MAD1L1: variants seen among roughly 807,000 people sequenced by gnomAD.
MAD1L1 encodes mitotic arrest deficient 1 like 1.
In MAD1L1, 95 loss-of-function variants were observed where a neutral mutation model predicts 96.9. The ratio of observed to expected loss-of-function variants is 0.98; its 90% CI spans 0.83 to 1.16. MAD1L1 has a LOEUF of 1.16. Among genes scored for constraint, MAD1L1 ranks in the 50% most tolerant of loss-of-function variants. The pLI is 0.00. For missense variants in MAD1L1, 1,007 were observed against 954.4 expected, an observed-to-expected ratio of 1.06 and a Z score of -0.73; for synonymous variants, 473 against 396.6, an observed-to-expected ratio of 1.19 and a Z score of -2.29.
chr7:1,981,296 C>T (rs1339453296), intron 14 of MAD1L1, among the ~76,000 whole-genome samples: 2 of 152,314 alleles, frequency 1.3e-5, no homozygotes, highest in South Asian at 2.1e-4. Context: ...CGCCCCTACA[C>T]ACCTAGGGTG....
At chr7:1,881,962 A>T (rs1785707121) in intron 18 of MAD1L1, among the ~76,000 whole-genome samples, 1 of 152,228 alleles carries the variant, frequency 6.6e-6, no homozygotes, top group African/African-American at 2.4e-5. Flanking sequence ...GATCTGAGCC[A>T]CAGGCTTGCC....
chr7:2,002,878 G>T (rs1250297550), intron 13 of MAD1L1, among the ~76,000 whole-genome samples: 1 of 152,180 alleles, frequency 6.6e-6, no homozygotes, highest in Non-Finnish European at 1.5e-5. Flanking sequence ...CTGGGCCTCT[G>T]CCCCTGCGGT....
At chr7:1,957,018 C>A (rs1328677002) in intron 16 of MAD1L1, among the ~76,000 whole-genome samples, 1 of 152,230 alleles carries the variant, frequency 6.6e-6, no homozygotes, top group Non-Finnish European at 1.5e-5. Flanking sequence ...TGACGCAGAG[C>A]CTCTGGTGGG....
At chr7:2,056,360 C>A (rs1784389179) in intron 12 of MAD1L1, among the ~76,000 whole-genome samples, 1 of 152,144 alleles carries the variant, frequency 6.6e-6, no homozygotes, top group Non-Finnish European at 1.5e-5. Flanking sequence ...CAGCATGGGG[C>A]TCGCGCAGGC....
intron 10 of MAD1L1, among the ~76,000 whole-genome samples, chr7:2,180,351 G>T (rs1791144961): frequency 6.6e-6 from 1 of 152,244 alleles, no homozygotes; most frequent in Non-Finnish European, 1.5e-5. Context: ...GGACTCACCA[G>T]TTCTAGGTAT....
intron 18 of MAD1L1, among the ~76,000 whole-genome samples, chr7:1,875,593 GGA>G (rs1164715803): frequency 6.6e-6 from 1 of 152,212 alleles, no homozygotes; most frequent in Non-Finnish European, 1.5e-5. Flanking sequence ...GGAGGGGCAG[GGA>G]GAGGAAAGGC....
At chr7:1,853,063 C>T (rs752119195) in intron 18 of MAD1L1, among the ~76,000 whole-genome samples, 9 of 152,198 alleles carry the variant, frequency 5.9e-5, no homozygotes, top group Non-Finnish European at 1.3e-4. Flanking sequence ...GAGCTGATAA[C>T]GACATGCACC....
chr7:2,139,976 T>C, intron 11 of MAD1L1, among the ~76,000 whole-genome samples: 1 of 151,430 alleles, frequency 6.6e-6, no homozygotes, highest in Admixed American at 6.6e-5. Context: ...TTTTATGGTC[T>C]ACTATCTGGA....
intron 18 of MAD1L1, among the ~76,000 whole-genome samples, chr7:1,888,888 A>G (rs1786358781): frequency 1.3e-5 from 2 of 152,174 alleles, no homozygotes; most frequent in African/African-American, 4.8e-5. Context: ...AGGGCCTAGG[A>G]CACGAGAGGT....
At chr7:1,933,884 C>G (rs955282358) in intron 17 of MAD1L1, among the ~76,000 whole-genome samples, 1 of 152,190 alleles carries the variant, frequency 6.6e-6, no homozygotes, top group African/African-American at 2.4e-5. Flanking sequence ...CAGCCAGTTC[C>G]TGGGCTGCGT....
At chr7:2,127,420 T>C (rs1788283583) in intron 11 of MAD1L1, among the ~76,000 whole-genome samples, 1 of 152,146 alleles carries the variant, frequency 6.6e-6, no homozygotes. Context: ...CCAGAGGGGA[T>C]TCTCCTGAGG....
At position 2,157,497 on chromosome 7, in the gene MAD1L1, G is replaced by A. The variant is rs570696538; in HGVS notation, c.987-8259C>T. ...CTGCCCATCTGGGAGGAGTGGGAGA[G>A]CCGGTCCCCTACAGTCTCTGCTCAG... On this transcript the variant is annotated intron_variant, in intron 10 of 18. Coordinates refer to ENST00000265854, the MANE Select transcript of MAD1L1 (RefSeq NM_001013836.2). Among the ~76,000 whole-genome samples the A allele has an allele frequency of 2.6e-5, 4 of 152,314 alleles. No homozygotes were observed. In the South Asian group the frequency reaches 6.2e-4, roughly 24 times the overall value.
At chr7:2,010,471 G>C (rs1782245751) in intron 13 of MAD1L1, among the ~76,000 whole-genome samples, 3 of 152,226 alleles carry the variant, frequency 2.0e-5, no homozygotes, top group Admixed American at 1.3e-4. Context: ...CCAATGTGTT[G>C]AATCAAGGTG....
intron 10 of MAD1L1, among the ~76,000 whole-genome samples, chr7:2,196,344 T>C (rs901469503): frequency 6.6e-6 from 1 of 152,204 alleles, no homozygotes; most frequent in African/African-American, 2.4e-5. Context: ...TAGAAACTCT[T>C]GTAAGCCACC....
rs115865513 is a variant in MAD1L1, at chr7:2,206,489, G to T, written c.986+6723C>A. Among the ~76,000 whole-genome samples the T allele has an allele frequency of 8.0e-3, 1,221 of 152,356 alleles. 16 individuals are homozygous for T. Among genetic ancestry groups the T allele is most frequent in the African/African-American group, 0.028 (1,152 of 41,582 alleles). On this transcript the variant is annotated intron_variant, in intron 10 of 18. Coordinates refer to ENST00000265854, the MANE Select transcript of MAD1L1 (RefSeq NM_001013836.2). ...ATCTTGTGTCCAGCATGAGACAGGTGTTAAGGCTCATCCTCACCACGAAGA... is the reference window on the plus strand; with the variant it reads ...ATCTTGTGTCCAGCATGAGACAGGTTTTAAGGCTCATCCTCACCACGAAGA...
chr7:1,979,229 C>T (rs1043314034), intron 15 of MAD1L1, among the ~76,000 whole-genome samples: 1 of 152,184 alleles, frequency 6.6e-6, no homozygotes, highest in Non-Finnish European at 1.5e-5. Context: ...GTGCTCTCTC[C>T]CCACTGCCAC....
intron 17 of MAD1L1, among the ~76,000 whole-genome samples, chr7:1,919,130 G>A (rs569811122): frequency 1.3e-5 from 2 of 152,366 alleles, no homozygotes; most frequent in Admixed American, 1.3e-4. Flanking sequence ...GCTCACCCTT[G>A]GTGCGGGGAC....
intron 1 of MAD1L1, among the ~76,000 whole-genome samples, chr7:2,231,167 G>A (rs1794172285): frequency 1.3e-5 from 2 of 152,106 alleles, no homozygotes; most frequent in East Asian, 3.9e-4. Context: ...GTGTGGTGGT[G>A]TGCGCCTGTA....
chr7:2,122,901 C>T (rs1248051767), intron 11 of MAD1L1, among the ~76,000 whole-genome samples: 2 of 152,234 alleles, frequency 1.3e-5, no homozygotes, highest in Non-Finnish European at 2.9e-5. Flanking sequence ...CAGCGCCCCT[C>T]CCAGGTGAGC....
Sources: allele counts gnomAD v4.1 joint callset (sites outside exome capture counted in the v4.1 genomes callset), GRCh38; gene constraint gnomAD v4.1.1; transcripts MANE v1.5; gene names NCBI Gene and HGNC (gene_info 2026-07-23, HGNC 2026-07-21).